The following PCNX1 variants were observed in gnomAD, a reference collection of about 807,000 sequenced individuals.
PCNX1 encodes pecanex-like protein 1.
In PCNX1, 78 loss-of-function variants were observed where a neutral mutation model predicts 242.2. That is an observed-to-expected ratio of 0.32 (90% CI 0.27 to 0.39). The LOEUF is 0.39. Ranked by LOEUF, PCNX1 falls within the 10% of genes least tolerant of loss-of-function variation. The pLI is 1.00. For missense variants in PCNX1, 2,581 were observed against 2,856.5 expected, an observed-to-expected ratio of 0.90 and a Z score of 2.20; for synonymous variants, 1,024 against 1,032.9, an observed-to-expected ratio of 0.99 and a Z score of 0.17.
chr14:70,948,876 G>C (rs1299378565), intron 2 of PCNX1, among the ~76,000 whole-genome samples: 3 of 146,168 alleles, frequency 2.1e-5, no homozygotes, highest in Non-Finnish European at 3.0e-5. Flanking sequence ...TGTATATATA[G>C]ATATGTGTAT....
chr14:70,913,365 C>G (rs1038916854), intron 1 of PCNX1, among the ~76,000 whole-genome samples: 2 of 152,060 alleles, frequency 1.3e-5, no homozygotes, highest in African/African-American at 4.8e-5. Context: ...GTGTCAGTCT[C>G]TACAAGACAA....
In PCNX1 at chr14:70,968,502, G is replaced by T. The variant is rs1039654699; in HGVS notation, c.514+259G>T. 3.9e-5 allele frequency among the ~76,000 whole-genome samples: 6 copies of T among 152,130 alleles called. No individual in the cohort carries two copies. In the East Asian group the frequency reaches 1.2e-3, roughly 29 times the overall value. On this transcript the variant is annotated intron_variant, in intron 4 of 35. Coordinates refer to ENST00000304743, the MANE Select transcript of PCNX1 (RefSeq NM_014982.3). ...GTTTTGATCTATAAGAAACTTCCTTGCCCTTGAGGGAAAACAGTTTTGTGG... is the reference window on the plus strand; with the variant it reads ...GTTTTGATCTATAAGAAACTTCCTTTCCCTTGAGGGAAAACAGTTTTGTGG...
chr14:70,977,860 G>C lies in PCNX1; in HGVS notation c.1523G>C (p.Gly508Ala). ...EFTSQGDRPP[G>A]NTAENKEEKS... ...ACTTCCCAAGGGGACAGACCACCTGGGAACACTGCAGAAAACAAAGAAGAG... is the reference window on the plus strand; with the variant it reads ...ACTTCCCAAGGGGACAGACCACCTGCGAACACTGCAGAAAACAAAGAAGAG... The change falls in exon 6 of 36, where the codon GGG becomes GCG. Residue 508 changes from glycine (G) to alanine (A), a missense_variant. This residue lies in a region of PCNX1 where 1,204 missense variants were observed against 1,216.7 expected (regional missense o/e 0.99). Coordinates refer to ENST00000304743, the MANE Select transcript of PCNX1 (RefSeq NM_014982.3). 1 of 1,614,092 alleles carries C rather than the reference G, an allele frequency of 6.2e-7. No individual in the cohort carries two copies. Among genetic ancestry groups the C allele is most frequent in the South Asian group, 1.1e-5 (1 of 91,076 alleles).
intron 1 of PCNX1, among the ~76,000 whole-genome samples, chr14:70,912,576 CTG>C (rs1267436738): frequency 2.6e-5 from 4 of 151,808 alleles, no homozygotes; most frequent in African/African-American, 9.7e-5. Context: ...TTTCCTCACT[CTG>C]TCATGTTAGT....
chr14:71,052,652 A>C (rs2061071708), intron 24 of PCNX1, among the ~76,000 whole-genome samples: 1 of 152,220 alleles, frequency 6.6e-6, no homozygotes, highest in African/African-American at 2.4e-5. Context: ...TCGTTATAAC[A>C]GTCATAATGA....
At chr14:70,938,588 C>T (rs2057105121) in intron 1 of PCNX1, among the ~76,000 whole-genome samples, 1 of 152,124 alleles carries the variant, frequency 6.6e-6, no homozygotes, top group Non-Finnish European at 1.5e-5. Flanking sequence ...GTCTAAAATT[C>T]TCTTTTTTGG....
intron 13 of PCNX1, among the ~76,000 whole-genome samples, chr14:71,024,703 C>T (rs1042262588): frequency 6.6e-6 from 1 of 152,084 alleles, no homozygotes; most frequent in Non-Finnish European, 1.5e-5. Context: ...GAAATTTCTG[C>T]AGTATTAACA....
intron 26 of PCNX1, among the ~76,000 whole-genome samples, chr14:71,065,740 G>A (rs1021704374): frequency 4.6e-5 from 7 of 152,246 alleles, no homozygotes; most frequent in Non-Finnish European, 8.8e-5. Flanking sequence ...AGTTTTTATG[G>A]TTTTAGGTCT....
chr14:71,048,269 T>C (rs1450264541), intron 22 of PCNX1, among the ~76,000 whole-genome samples: 1 of 152,178 alleles, frequency 6.6e-6, no homozygotes, highest in East Asian at 1.9e-4. Context: ...AAAAGGTATA[T>C]AGTTTTGAAT....
intron 13 of PCNX1, among the ~76,000 whole-genome samples, chr14:71,024,029 G>T (rs1248617928): frequency 6.6e-6 from 1 of 152,108 alleles, no homozygotes; most frequent in Non-Finnish European, 1.5e-5. Context: ...TTATTTTGAC[G>T]TAATTTCAAA....
Position 70,978,393 on chromosome 14 carries a change from A to C in PCNX1, c.2056A>C (p.Thr686Pro), listed in dbSNP as rs375012702. 1.7e-5 allele frequency: 27 copies of C among 1,614,036 alleles called. No individual in the cohort carries two copies. In the African/African-American group the frequency reaches 2.9e-4, roughly 18 times the overall value. Reference sequence around the variant, plus strand: ...GACTTCTAGCACAAATAGTGCCAAGACTCGTGCCCGAGTGTTGAGCCTGGA... The same window carrying C: ...GACTTCTAGCACAAATAGTGCCAAGCCTCGTGCCCGAGTGTTGAGCCTGGA... Reference protein sequence around the residue: ...RRTSSTNSAKTRARVLSLDSG... With the variant: ...RRTSSTNSAKPRARVLSLDSG... The change falls in exon 6 of 36, where the codon ACT becomes CCT. Residue 686 changes from threonine to proline, a missense_variant. Coordinates refer to ENST00000304743, the MANE Select transcript of PCNX1 (RefSeq NM_014982.3).
chr14:70,973,841 A>G (rs2058612592), intron 5 of PCNX1, among the ~76,000 whole-genome samples: 1 of 152,092 alleles, frequency 6.6e-6, no homozygotes, highest in Non-Finnish European at 1.5e-5. Context: ...TTTTTTGCAT[A>G]TCATTTTTTC....
At chr14:70,954,629 C>T (rs2057920076) in intron 2 of PCNX1, among the ~76,000 whole-genome samples, 1 of 151,702 alleles carries the variant, frequency 6.6e-6, no homozygotes, top group African/African-American at 2.4e-5. Flanking sequence ...TTTGTTTTTC[C>T]CCCTAAAATG....
At chr14:70,927,739 A>C (rs2056646001) in intron 1 of PCNX1, among the ~76,000 whole-genome samples, 1 of 151,888 alleles carries the variant, frequency 6.6e-6, no homozygotes, top group African/African-American at 2.4e-5. Context: ...ACAGGCGTGC[A>C]CCACCAAGTC....
intron 30 of PCNX1, chr14:71,093,210 C>G (rs2062182097): frequency 6.6e-6 from 1 of 151,908 alleles, no homozygotes. Context: ...CCATGAAAGC[C>G]ATCAAATACA....
Position 70,978,104 on chromosome 14 carries a change from C to T in PCNX1, c.1767C>T (p.Thr589=). The change falls in exon 6 of 36, where the codon ACC becomes ACT. Residue 589 remains threonine (T), a synonymous_variant. Transcript: ENST00000304743. ...TTTGCTTTCGAGGTGTTTCTGGTAC[C>T]AAGCCACACAGTGCTATATTTTGTC... ...DYVCFRGVSG[T]KPHSAIFCHD... is the part of the protein sequence containing the mutation. 6.2e-7 allele frequency: 1 copy of T among 1,614,114 alleles called. No homozygotes were observed.
chr14:71,098,547 T>C (rs201187695), intron 30 of PCNX1, among the ~76,000 whole-genome samples: 1 of 126,214 alleles, frequency 7.9e-6, no homozygotes, highest in African/African-American at 3.2e-5. Context: ...TGTGTGTGTG[T>C]GTGTGTGAGA....
Position 71,026,816 on chromosome 14 carries a change from C to A in PCNX1, c.3400C>A (p.Pro1134Thr). 6.3e-7 allele frequency: 1 copy of A among 1,583,262 alleles called. No individual in the cohort carries two copies. The highest frequency in any genetic ancestry group is 8.7e-7 in the Non-Finnish European group (1 of 1,153,404). Residue 1134 changes from proline to threonine, a missense_variant, in exon 15 of 36, where the codon CCT (proline) becomes ACT (threonine). Transcript: ENST00000304743. ...FPIVFFIGLLPQVNTFVMYLC... is the reference protein window; with the variant it reads ...FPIVFFIGLLTQVNTFVMYLC... The stretch of plus-strand genomic sequence containing the variant: ...AATAGTGTTTTTCATTGGTCTCCTG[C>A]CTCAGGTGAATACATTTGTAATGTA...
At chr14:70,933,441 CA>C (rs2056880381) in intron 1 of PCNX1, among the ~76,000 whole-genome samples, 1 of 152,076 alleles carries the variant, frequency 6.6e-6, no homozygotes, top group Non-Finnish European at 1.5e-5. Flanking sequence ...AAAAGAAATT[CA>C]AAAGAAGTAA....
Sources: gnomAD v4.1 joint callset for allele counts (sites outside exome capture counted in the v4.1 genomes callset) on GRCh38, gnomAD v4.1.1 for gene constraint, gnomAD v4.1.1 regional missense constraint, MANE v1.5 for transcripts, NCBI Gene and HGNC (gene_info 2026-07-23, HGNC 2026-07-21) for gene names.